Variants in MTM1 observed in about 807,000 individuals in gnomAD.
MTM1 encodes myotubularin.
Under a neutral mutation model 52.1 loss-of-function variants are expected in MTM1, and 9 were observed. The ratio of observed to expected loss-of-function variants is 0.17; its 90% confidence interval spans 0.10 to 0.30. The LOEUF (loss-of-function observed/expected upper bound fraction) is 0.30. Among genes scored for constraint, MTM1 ranks in the 10% least tolerant of loss-of-function variants. The probability of loss-of-function intolerance (pLI) is 1.00; values close to 1 mark genes in which losing one functional copy is unlikely to be tolerated. For synonymous variants in MTM1, 136 were observed against 163.8 expected, an observed-to-expected ratio of 0.83 and a Z score of 1.29; for missense variants, 277 against 470.7, an observed-to-expected ratio of 0.59 and a Z score of 3.81.
intron 1 of MTM1, among the ~76,000 whole-genome samples, chrX:150,586,447 T>C (rs2038787523): frequency 8.9e-6 from 1 of 111,776 alleles, no homozygotes; most frequent in African/African-American, 3.3e-5. Flanking sequence ...CTTTTTTTAA[T>C]GGAAGGAGGC....
rs1161056340 is a variant in MTM1, at chrX:150,583,719, A to G, written c.-10-8886A>G. On this transcript the variant is annotated intron_variant, in intron 1 of 14. Transcript: ENST00000370396. Reference sequence around the variant, plus strand: ...ATTTATAAATATATAAATTATATATATTATATAAATTATATATTATATATA... The same window carrying G: ...ATTTATAAATATATAAATTATATATGTTATATAAATTATATATTATATATA... Among the ~76,000 whole-genome samples the G allele has an allele frequency of 1.5e-4, 7 of 45,697 alleles. No individual in the cohort carries two copies. In the East Asian group the frequency reaches 3.6e-3, roughly 23 times the overall value. The allele number at this position is 45,697 out of a possible 115,157, so 39.7% of individuals were successfully genotyped here.
chrX:150,665,796 A>G (rs934136488), intron 14 of MTM1, among the ~76,000 whole-genome samples: 3 of 112,525 alleles, frequency 2.7e-5, no homozygotes, highest in South Asian at 3.6e-4. Flanking sequence ...TTGAAAAGCT[A>G]TCAATAAGCA....
chrX:150,576,444 G>A (rs2038473353), intron 1 of MTM1, among the ~76,000 whole-genome samples: 1 of 111,813 alleles, frequency 8.9e-6, no homozygotes, highest in Non-Finnish European at 1.9e-5. Flanking sequence ...AGTCTAACCA[G>A]AGGTTTGTCA....
chrX:150,645,947 T>C, intron 9 of MTM1, 76 bp downstream of exon 9: 8 of 983,600 alleles, frequency 8.1e-6, no homozygotes, highest in Non-Finnish European at 1.2e-5. Flanking sequence ...GTTTTTGCCA[T>C]GATATAGAAA....
intron 6 of MTM1, among the ~76,000 whole-genome samples, chrX:150,621,385 C>T (rs188322921): frequency 5.0e-4 from 55 of 110,995 alleles, no homozygotes; most frequent in African/African-American, 1.8e-3. Flanking sequence ...TACCTTAATC[C>T]ATGCTTCCAA....
chrX:150,597,645 A>T (rs2039000278), intron 3 of MTM1, among the ~76,000 whole-genome samples: 2 of 111,767 alleles, frequency 1.8e-5, no homozygotes, highest in Admixed American at 1.9e-4. Context: ...TCCCTGAAAG[A>T]TGAGAGGCAT....
intron 6 of MTM1, among the ~76,000 whole-genome samples, chrX:150,626,373 G>T (rs1260307951): frequency 1.8e-5 from 2 of 111,469 alleles, no homozygotes; most frequent in Non-Finnish European, 3.8e-5. Context: ...GAGTGCAGTG[G>T]CATGATCTCG....
At chrX:150,633,970 G>A (rs933899932) in intron 6 of MTM1, among the ~76,000 whole-genome samples, 9 of 112,597 alleles carry the variant, frequency 8.0e-5, no homozygotes, top group Admixed American at 7.5e-4. Flanking sequence ...AGGAGGCGGA[G>A]GTTGCAGTGA....
At chrX:150,636,708 G>T (rs967672810) in intron 6 of MTM1, among the ~76,000 whole-genome samples, 1 of 112,027 alleles carries the variant, frequency 8.9e-6, no homozygotes, top group African/African-American at 3.2e-5. Context: ...AGAGCCTTAG[G>T]CCTCAAACCA....
At chrX:150,620,784 A>G (rs1338540856) in intron 6 of MTM1, among the ~76,000 whole-genome samples, 1 of 111,358 alleles carries the variant, frequency 9.0e-6, no homozygotes, top group East Asian at 2.8e-4. Context: ...AGTGAGTCCA[A>G]TGAGTCTAAC....
chrX:150,638,576 A>G (rs1557413756), intron 6 of MTM1, among the ~76,000 whole-genome samples: 1 of 111,583 alleles, frequency 9.0e-6, no homozygotes, highest in African/African-American at 3.3e-5. Context: ...CCTGAATTTT[A>G]TTTTTCTTCC....
At chrX:150,658,079 T>A in intron 11 of MTM1, 52 bp downstream of exon 11, 6 of 965,126 alleles carry the variant, frequency 6.2e-6, no homozygotes, top group Non-Finnish European at 8.9e-6. Flanking sequence ...TTCAGGATTT[T>A]AAAACTAGTT....
intron 14 of MTM1, among the ~76,000 whole-genome samples, chrX:150,668,999 C>G (rs1409817239): frequency 9.0e-6 from 1 of 110,599 alleles, no homozygotes; most frequent in African/African-American, 3.3e-5. Context: ...TTTGCTGCAC[C>G]TATTGATCCA....
intron 10 of MTM1, among the ~76,000 whole-genome samples, chrX:150,656,320 A>T (rs184010262): frequency 9.3e-6 from 1 of 107,317 alleles, no homozygotes; most frequent in East Asian, 2.9e-4. Flanking sequence ...TGCCCTTATA[A>T]AAAGAAATTT....
chrX:150,595,646 G>A (rs1306896556), intron 2 of MTM1, among the ~76,000 whole-genome samples: 1 of 112,435 alleles, frequency 8.9e-6, no homozygotes, highest in Non-Finnish European at 1.9e-5. Context: ...TGCCTCAAAT[G>A]TCATCAGACT....
intron 6 of MTM1, among the ~76,000 whole-genome samples, chrX:150,628,987 T>G (rs1225648704): frequency 9.0e-6 from 1 of 111,495 alleles, no homozygotes; most frequent in African/African-American, 3.3e-5. Context: ...GGCCCCTGTT[T>G]CGTAGCATGT....
intron 6 of MTM1, among the ~76,000 whole-genome samples, chrX:150,634,008 G>A (rs2039715236): frequency 8.9e-6 from 1 of 112,513 alleles, no homozygotes; most frequent in African/African-American, 3.2e-5. Context: ...GCACTCCAGC[G>A]TGGGCGATAG....
At chrX:150,635,128 G>A (rs986089311) in intron 6 of MTM1, among the ~76,000 whole-genome samples, 1 of 112,181 alleles carries the variant, frequency 8.9e-6, no homozygotes, top group Non-Finnish European at 1.9e-5. Context: ...AGAAAGCCAC[G>A]TAGGACTTGC....
chrX:150,636,427 T>A (rs933594059), intron 6 of MTM1, among the ~76,000 whole-genome samples: 1 of 111,949 alleles, frequency 8.9e-6, no homozygotes, highest in East Asian at 2.8e-4. Context: ...TGCTTTAACC[T>A]TAGGGATTGA....
Sources: allele counts gnomAD v4.1 joint callset (sites outside exome capture counted in the v4.1 genomes callset), GRCh38; gene constraint gnomAD v4.1.1; transcripts MANE v1.5; gene names NCBI Gene and HGNC (gene_info 2026-07-23, HGNC 2026-07-21).